Variants in NKAIN2 observed in about 807,000 individuals in gnomAD.
NKAIN2 encodes the protein sodium/potassium-transporting ATPase subunit beta-1-interacting protein 2.
NKAIN2 carries 14 observed loss-of-function variants against 32.6 expected under a neutral mutation model. That is an observed-to-expected ratio of 0.43 (90% CI 0.28 to 0.67). The LOEUF is 0.67. NKAIN2 is among the 30% of genes least tolerant of loss of function. The probability of loss-of-function intolerance (pLI) is 0.17; values close to 1 mark genes in which losing one functional copy is unlikely to be tolerated. For missense variants in NKAIN2, 198 were observed against 258.3 expected (o/e 0.77, Z 1.60); for synonymous variants, 80 against 87.2 (o/e 0.92, Z 0.46).
intron 1 of NKAIN2, among the ~76,000 whole-genome samples, chr6:124,264,897 T>C (rs1315340259): frequency 6.6e-6 from 1 of 152,214 alleles, no homozygotes; most frequent in African/African-American, 2.4e-5. Context: ...ATCTTTAATA[T>C]GTTTAAAATC....
intron 3 of NKAIN2, among the ~76,000 whole-genome samples, chr6:124,575,825 C>T (rs1019521205): frequency 2.0e-5 from 3 of 152,086 alleles, no homozygotes; most frequent in African/African-American, 7.2e-5. Context: ...TCCATGAACC[C>T]CTGGAAGTCC....
intron 2 of NKAIN2, among the ~76,000 whole-genome samples, chr6:124,303,462 A>G (rs1009385164): frequency 6.6e-6 from 1 of 152,182 alleles, no homozygotes; most frequent in African/African-American, 2.4e-5. Context: ...AGAGACAAGT[A>G]AACAGAACCC....
chr6:124,649,752 T>G (rs1784301197), intron 3 of NKAIN2, among the ~76,000 whole-genome samples: 1 of 152,212 alleles, frequency 6.6e-6, no homozygotes, highest in South Asian at 2.1e-4. Flanking sequence ...AATCAGAGAA[T>G]GTATAAAAAA....
chr6:124,527,899 C>G (rs988771856), intron 3 of NKAIN2, among the ~76,000 whole-genome samples: 2 of 152,140 alleles, frequency 1.3e-5, no homozygotes, highest in African/African-American at 4.8e-5. Flanking sequence ...TATAAGAAGT[C>G]TAGTTAGATA....
At chr6:124,355,119 G>C (rs551304574) in intron 2 of NKAIN2, 148 bp from the exon 3 acceptor site, 25 of 474,364 alleles carry the variant, frequency 5.3e-5, no homozygotes, top group Non-Finnish European at 9.1e-5. Flanking sequence ...AGAGATAAAC[G>C]TACATCTAAT....
intron 1 of NKAIN2, among the ~76,000 whole-genome samples, chr6:123,936,767 G>A (rs928168511): frequency 6.6e-6 from 1 of 152,010 alleles, no homozygotes; most frequent in African/African-American, 2.4e-5. Context: ...AATTGCATGA[G>A]CAATTTATGG....
chr6:124,653,208 G>A (rs925690309), intron 3 of NKAIN2, among the ~76,000 whole-genome samples: 18 of 151,938 alleles, frequency 1.2e-4, no homozygotes, highest in African/African-American at 4.1e-4. Flanking sequence ...GAAGGAAAAC[G>A]ATAAAATTTG....
chr6:124,680,938 A>G (rs1383363706), intron 4 of NKAIN2, among the ~76,000 whole-genome samples: 1 of 152,018 alleles, frequency 6.6e-6, no homozygotes, highest in African/African-American at 2.4e-5. Context: ...TTTTCTTAAT[A>G]TATAAATAAA....
At chr6:124,501,917 T>C (rs527572054) in intron 3 of NKAIN2, among the ~76,000 whole-genome samples, 14 of 152,032 alleles carry the variant, frequency 9.2e-5, no homozygotes, top group African/African-American at 3.1e-4. Context: ...TGTATGAAGA[T>C]TGTGAAAACC....
At chr6:124,635,549 C>G (rs1399414971) in intron 3 of NKAIN2, among the ~76,000 whole-genome samples, 1 of 151,930 alleles carries the variant, frequency 6.6e-6, no homozygotes, top group Non-Finnish European at 1.5e-5. Context: ...CTGCTGCCTA[C>G]AAGAAACTAA....
chr6:124,435,622 G>T (rs114588068), intron 3 of NKAIN2, among the ~76,000 whole-genome samples: 2,349 of 152,202 alleles, frequency 0.015, 62 homozygotes, highest in African/African-American at 0.054. Flanking sequence ...GACCCCAAGA[G>T]GTTTGGCTCC....
chr6:124,510,098 A>G (rs984065240), intron 3 of NKAIN2, among the ~76,000 whole-genome samples: 2 of 152,064 alleles, frequency 1.3e-5, no homozygotes, highest in Non-Finnish European at 1.5e-5. Context: ...CAATGTCCTC[A>G]CAGGAATAAT....
At chr6:123,998,923 C>G (rs1779760759) in intron 1 of NKAIN2, among the ~76,000 whole-genome samples, 1 of 151,574 alleles carries the variant, frequency 6.6e-6, no homozygotes, top group South Asian at 2.1e-4. Context: ...TAAATGCCAC[C>G]TGTCTTTTGA....
chr6:124,710,909 C>G (rs181310258), intron 4 of NKAIN2, among the ~76,000 whole-genome samples: 47 of 150,152 alleles, frequency 3.1e-4, no homozygotes, highest in Non-Finnish European at 3.1e-4. Flanking sequence ...TTAGTTGATG[C>G]AGTTTCTTCC....
intron 1 of NKAIN2, among the ~76,000 whole-genome samples, chr6:123,846,220 T>G (rs1344694982): frequency 1.3e-5 from 2 of 152,200 alleles, no homozygotes; most frequent in Non-Finnish European, 2.9e-5. Flanking sequence ...TAAACCTCAA[T>G]GTGGTAGGAA....
At chr6:124,169,115 G>A (rs1788716819) in intron 1 of NKAIN2, among the ~76,000 whole-genome samples, 1 of 152,084 alleles carries the variant, frequency 6.6e-6, no homozygotes, top group South Asian at 2.1e-4. Context: ...ACACATATAT[G>A]TACATTTAAA....
intron 5 of NKAIN2, among the ~76,000 whole-genome samples, chr6:124,802,898 G>A (rs530460368): frequency 6.6e-6 from 1 of 152,300 alleles, no homozygotes; most frequent in Non-Finnish European, 1.5e-5. Flanking sequence ...AAGCAATGGT[G>A]TTCTCATTAG....
intron 1 of NKAIN2, among the ~76,000 whole-genome samples, chr6:124,266,322 G>T (rs1194409544): frequency 6.6e-6 from 1 of 152,140 alleles, no homozygotes; most frequent in East Asian, 1.9e-4. Flanking sequence ...CTGCTGCCCA[G>T]ACTGGAGTGC....
chr6:124,817,274 G>A (rs894143889), intron 5 of NKAIN2, among the ~76,000 whole-genome samples: 1 of 151,866 alleles, frequency 6.6e-6, no homozygotes, highest in Admixed American at 6.6e-5. Context: ...GCTATCGTTA[G>A]TATCAGTGTA....
Sources: allele counts gnomAD v4.1 joint callset (sites outside exome capture counted in the v4.1 genomes callset), GRCh38; gene constraint gnomAD v4.1.1; transcripts MANE v1.5; gene names NCBI Gene and HGNC (gene_info 2026-07-23, HGNC 2026-07-21).